Variants in PARP8 observed in about 807,000 individuals in gnomAD.
The protein encoded by PARP8 is poly(ADP-ribose) polymerase family member 8.
PARP8 carries 51 observed loss-of-function variants against 124.1 expected under a neutral mutation model. That is an observed-to-expected ratio of 0.41 (90% CI 0.33 to 0.52). The LOEUF is 0.52. PARP8 is among the 20% of genes least tolerant of loss of function. The probability of loss-of-function intolerance (pLI) is 0.21; values close to 1 mark genes in which losing one functional copy is unlikely to be tolerated. For synonymous variants in PARP8, 391 were observed against 361.5 expected (o/e 1.08, Z -0.93); for missense variants, 860 against 1,018.9 (o/e 0.84, Z 2.12).
chr5:50,839,302 A>G (rs1007955562), intron 25 of PARP8, among the ~76,000 whole-genome samples: 8 of 152,052 alleles, frequency 5.3e-5, no homozygotes, highest in African/African-American at 1.9e-4. Context: ...AACCCAGTCC[A>G]ATGTATCATC....
intron 3 of PARP8, among the ~76,000 whole-genome samples, chr5:50,754,137 A>ACATG (rs1561331246): frequency 2.0e-4 from 3 of 15,374 alleles, no homozygotes; most frequent in Non-Finnish European, 3.9e-4. Context: ...ATATATATAT[A>ACATG]TATATATATA....
rs771415977 is a variant in PARP8 at position 50,821,352 on chromosome 5, A to G, written c.1794+14A>G. On this transcript the variant is annotated intron_variant, in intron 16 of 25. Transcript: ENST00000281631. Reference sequence around the variant, plus strand: ...TTCAACCCCAGGGTAAGTTGTTATCATGGCACACCAATCACAAAGTTTTCT... The same window carrying G: ...TTCAACCCCAGGGTAAGTTGTTATCGTGGCACACCAATCACAAAGTTTTCT... 6.2e-7 allele frequency: 1 copy of G among 1,613,528 alleles called. No homozygotes were observed. Among genetic ancestry groups the G allele is most frequent in the Non-Finnish European group, 8.5e-7 (1 of 1,179,500 alleles).
intron 2 of PARP8, among the ~76,000 whole-genome samples, chr5:50,724,846 A>T (rs1188981824): frequency 2.0e-5 from 3 of 150,756 alleles, no homozygotes; most frequent in Non-Finnish European, 4.4e-5. Context: ...TTATCCCTAG[A>T]CCCCCTTCCT....
At chr5:50,769,766 A>G (rs1430777889) in intron 7 of PARP8, among the ~76,000 whole-genome samples, 1 of 151,994 alleles carries the variant, frequency 6.6e-6, no homozygotes, top group Non-Finnish European at 1.5e-5. Flanking sequence ...ATTACACTGT[A>G]TAAATCTTGT....
In PARP8 at chr5:50,843,899, T is replaced by A. The variant is rs1349402916; in HGVS notation, c.*1831T>A. 19 of 151,812 alleles carry A rather than the reference T, an allele frequency of 1.3e-4. No homozygotes were observed. The highest frequency in any genetic ancestry group is 1.2e-3 in the Admixed American group (18 of 15,184). The allele number at this position is 151,812 out of a possible 1,614,324, so 9.4% of individuals were successfully genotyped here. ...ACATGACAAACATGAAGATCTAATA[T>A]CAAGATTTGGGAGACGGGATCTTGG... is the stretch of plus-strand genomic sequence containing the variant. On this transcript the variant is annotated 3_prime_UTR_variant, in exon 26 of 26. Transcript: ENST00000281631.
At chr5:50,753,281 CT>C (rs1001268602) in intron 3 of PARP8, among the ~76,000 whole-genome samples, 1 of 151,872 alleles carries the variant, frequency 6.6e-6, no homozygotes, top group African/African-American at 2.4e-5. Context: ...TCTCTTATCC[CT>C]AGTAGAGGAA....
chr5:50,746,502 C>A (rs1480967187), intron 2 of PARP8, among the ~76,000 whole-genome samples: 1 of 152,024 alleles, frequency 6.6e-6, no homozygotes, highest in Non-Finnish European at 1.5e-5. Context: ...ATACATGACA[C>A]TTTTGTACAG....
chr5:50,761,185 G>C lies in PARP8; in HGVS notation c.346-636G>C, dbSNP rs543792813. On this transcript the variant is annotated intron_variant, in intron 5 of 25. Transcript: ENST00000281631. Reference sequence around the variant, plus strand: ...CATTTCTCCTGTGTTAATAGGGCCAGTGATAGGAATACCCCCATGAATTTT... The same window carrying C: ...CATTTCTCCTGTGTTAATAGGGCCACTGATAGGAATACCCCCATGAATTTT... 7.8e-4 allele frequency among the ~76,000 whole-genome samples: 119 copies of C among 152,184 alleles called. 3 individuals are homozygous for C. In the South Asian group the frequency reaches 0.024, roughly 31 times the overall value.
chr5:50,695,439 G>A (rs1752922904), intron 2 of PARP8, among the ~76,000 whole-genome samples: 1 of 152,126 alleles, frequency 6.6e-6, no homozygotes, highest in Non-Finnish European at 1.5e-5. Flanking sequence ...GTTGGAGTCT[G>A]ACCAGCTTAG....
intron 7 of PARP8, among the ~76,000 whole-genome samples, chr5:50,764,534 A>G (rs1391538571): frequency 6.6e-6 from 1 of 152,204 alleles, no homozygotes; most frequent in Non-Finnish European, 1.5e-5. Flanking sequence ...TCTGCAGCCT[A>G]AGATAAACTG....
At chr5:50,750,085 T>C in intron 2 of PARP8, 66 bp from the exon 3 acceptor site, 1 of 1,319,956 alleles carries the variant, frequency 7.6e-7, no homozygotes, top group Non-Finnish European at 1.1e-6. Flanking sequence ...TGGTTTGTCT[T>C]TTTTTTATAA....
chr5:50,756,865 C>T (rs1222361829), intron 3 of PARP8, among the ~76,000 whole-genome samples: 1 of 152,112 alleles, frequency 6.6e-6, no homozygotes, highest in Non-Finnish European at 1.5e-5. Context: ...TTCTTATTCT[C>T]TGCTTATACT....
intron 3 of PARP8, among the ~76,000 whole-genome samples, chr5:50,756,248 C>T (rs1759938932): frequency 6.6e-6 from 1 of 151,782 alleles, no homozygotes; most frequent in Admixed American, 6.6e-5. Flanking sequence ...GAGGGCATCC[C>T]TGTCTTGTGC....
intron 2 of PARP8, among the ~76,000 whole-genome samples, chr5:50,673,626 G>T (rs1441945312): frequency 6.6e-6 from 1 of 152,202 alleles, no homozygotes; most frequent in Non-Finnish European, 1.5e-5. Context: ...AAGGGACATT[G>T]GTTGAATTGG....
intron 7 of PARP8, among the ~76,000 whole-genome samples, chr5:50,764,338 T>C (rs536108298): frequency 6.6e-6 from 1 of 152,328 alleles, no homozygotes; most frequent in African/African-American, 2.4e-5. Context: ...GCTGCCGGCT[T>C]CCTGATTATT....
chr5:50,832,474 T>C (rs553949085), intron 22 of PARP8, among the ~76,000 whole-genome samples: 1 of 152,186 alleles, frequency 6.6e-6, no homozygotes, highest in Admixed American at 6.6e-5. Flanking sequence ...CCTAGCCAGA[T>C]AGTGGGAATG....
At chr5:50,712,584 T>C (rs1754878039) in intron 2 of PARP8, among the ~76,000 whole-genome samples, 1 of 152,160 alleles carries the variant, frequency 6.6e-6, no homozygotes, top group Admixed American at 6.6e-5. Context: ...CATTTACTCA[T>C]TCAGTAAGCA....
chr5:50,841,333 A>G (rs2149734847), intron 25 of PARP8, among the ~76,000 whole-genome samples: 1 of 152,020 alleles, frequency 6.6e-6, no homozygotes, highest in East Asian at 1.9e-4. Flanking sequence ...TTTTTAAAGA[A>G]CTTAGTAATT....
chr5:50,697,648 T>C (rs12186752), intron 2 of PARP8, among the ~76,000 whole-genome samples: 80,661 of 151,986 alleles, frequency 0.53, 23,392 homozygotes, highest in East Asian at 0.64. Flanking sequence ...TAGCTGGGAG[T>C]GTAGGCACAT....
Sources: allele counts gnomAD v4.1 joint callset (sites outside exome capture counted in the v4.1 genomes callset), GRCh38; gene constraint gnomAD v4.1.1; transcripts MANE v1.5; gene names NCBI Gene and HGNC (gene_info 2026-07-23, HGNC 2026-07-21).